CREB5: variants seen among roughly 807,000 people sequenced by gnomAD.
CREB5 encodes the protein cyclic AMP-responsive element-binding protein 5.
In CREB5, 19 loss-of-function variants were observed where a neutral mutation model predicts 57.1. That is an observed-to-expected ratio of 0.33 (90% CI 0.23 to 0.49). The LOEUF is 0.49. CREB5 is among the 20% of genes least tolerant of loss of function. The pLI is 0.99. For missense variants in CREB5, 579 were observed against 671.6 expected (o/e 0.86, Z 1.52); for synonymous variants, 238 against 238.3 (o/e 1.00, Z 0.01).
chr7:28,739,742 G>A (rs1428909505), intron 7 of CREB5, among the ~76,000 whole-genome samples: 6 of 152,184 alleles, frequency 3.9e-5, no homozygotes, highest in Admixed American at 3.9e-4. Context: ...TCCTGAAGTT[G>A]TTGTTTATGA....
chr7:28,510,785 A>T (rs1792672130), intron 4 of CREB5, among the ~76,000 whole-genome samples: 1 of 152,216 alleles, frequency 6.6e-6, no homozygotes, highest in Admixed American at 6.5e-5. Context: ...ACGTTCCATA[A>T]TAGCCTCAAT....
intron 1 of CREB5, among the ~76,000 whole-genome samples, chr7:28,459,140 G>A (rs901486053): frequency 6.6e-6 from 1 of 152,126 alleles, no homozygotes; most frequent in African/African-American, 2.4e-5. Flanking sequence ...GGCTTTATTT[G>A]AGCCTTCCAG....
intron 5 of CREB5, among the ~76,000 whole-genome samples, chr7:28,665,107 G>A (rs750756972): frequency 1.3e-5 from 2 of 152,154 alleles, no homozygotes; most frequent in Non-Finnish European, 2.9e-5. Flanking sequence ...ATTGGGTTGC[G>A]ATAAGGAGGT....
intron 5 of CREB5, among the ~76,000 whole-genome samples, chr7:28,695,086 G>T (rs184932086): frequency 1.1e-3 from 166 of 152,230 alleles, no homozygotes; most frequent in African/African-American, 3.8e-3. Context: ...AATTAGCCGG[G>T]CATGGTATCA....
chr7:28,797,866 T>G (rs1808137738), intron 7 of CREB5, among the ~76,000 whole-genome samples: 1 of 152,152 alleles, frequency 6.6e-6, no homozygotes, highest in African/African-American at 2.4e-5. Context: ...AAGTGAAGGC[T>G]TCATGCAGTG....
chr7:28,752,542 G>T (rs17157127), intron 7 of CREB5, among the ~76,000 whole-genome samples: 5 of 152,070 alleles, frequency 3.3e-5, no homozygotes, highest in Non-Finnish European at 7.4e-5. Context: ...GAAAATCTTC[G>T]CATGGAAACC....
intron 5 of CREB5, among the ~76,000 whole-genome samples, chr7:28,711,967 A>G (rs1371364678): frequency 1.3e-5 from 2 of 152,180 alleles, no homozygotes; most frequent in African/African-American, 2.4e-5. Context: ...AGTATATTCA[A>G]CTGCTCATTT....
At chr7:28,707,955 CT>C (rs1802204957) in intron 5 of CREB5, among the ~76,000 whole-genome samples, 1 of 152,160 alleles carries the variant, frequency 6.6e-6, no homozygotes, top group African/African-American at 2.4e-5. Flanking sequence ...TCCCTTCCGG[CT>C]TTTTAGTATT....
chr7:28,533,465 C>T (rs1045991804), intron 4 of CREB5, among the ~76,000 whole-genome samples: 2 of 152,200 alleles, frequency 1.3e-5, no homozygotes, highest in African/African-American at 2.4e-5. Flanking sequence ...TCCTGTCGTG[C>T]GTACCTGCAC....
intron 7 of CREB5, among the ~76,000 whole-genome samples, chr7:28,786,359 G>A (rs992504559): frequency 2.0e-5 from 3 of 152,106 alleles, no homozygotes; most frequent in Non-Finnish European, 2.9e-5. Flanking sequence ...CAATTCTCCT[G>A]CCTCAGCCTC....
At chr7:28,477,744 T>C (rs1297410871) in intron 1 of CREB5, among the ~76,000 whole-genome samples, 4 of 152,198 alleles carry the variant, frequency 2.6e-5, no homozygotes, top group Non-Finnish European at 5.9e-5. Context: ...TAGTGAGTGA[T>C]TCTTTGTTTA....
intron 5 of CREB5, among the ~76,000 whole-genome samples, chr7:28,622,500 A>G (rs1465649131): frequency 1.3e-5 from 2 of 152,216 alleles, no homozygotes; most frequent in Non-Finnish European, 2.9e-5. Context: ...CCATTCTATA[A>G]CTGCCAGGGC....
At chr7:28,300,742 ACT>A (rs1336485771) in intron 1 of CREB5, among the ~76,000 whole-genome samples, 3 of 152,114 alleles carry the variant, frequency 2.0e-5, no homozygotes, top group Non-Finnish European at 2.9e-5. Flanking sequence ...TTTTTTATAG[ACT>A]CATCTTTCTG....
At chr7:28,301,553 T>A (rs1003458243) in intron 1 of CREB5, among the ~76,000 whole-genome samples, 11 of 152,188 alleles carry the variant, frequency 7.2e-5, no homozygotes, top group African/African-American at 2.7e-4. Flanking sequence ...ATGACTCAGG[T>A]CCAACCCCGG....
At chr7:28,700,343 G>T (rs922180261) in intron 5 of CREB5, among the ~76,000 whole-genome samples, 1 of 152,096 alleles carries the variant, frequency 6.6e-6, no homozygotes, top group Non-Finnish European at 1.5e-5. Context: ...AACCCCCGGG[G>T]TATTAAATAA....
intron 5 of CREB5, among the ~76,000 whole-genome samples, chr7:28,652,133 T>G (rs1799151346): frequency 6.6e-6 from 1 of 152,026 alleles, no homozygotes; most frequent in South Asian, 2.1e-4. Context: ...ATAAAAAAAT[T>G]TTATTTTAAG....
At chr7:28,531,959 G>T (rs181436774) in intron 4 of CREB5, among the ~76,000 whole-genome samples, 1 of 152,336 alleles carries the variant, frequency 6.6e-6, no homozygotes, top group African/African-American at 2.4e-5. Flanking sequence ...AACCCAGGAG[G>T]CGGAGGTTGC....
At chr7:28,345,273 C>CT (rs58373526) in intron 1 of CREB5, among the ~76,000 whole-genome samples, 37,645 of 148,268 alleles carry the variant, frequency 0.25, 4,906 homozygotes, top group East Asian at 0.31. Flanking sequence ...CAAAACAAGT[C>CT]TTTTTTTTTT....
intron 1 of CREB5, among the ~76,000 whole-genome samples, chr7:28,467,432 G>A (rs1261477235): frequency 1.3e-5 from 2 of 152,174 alleles, no homozygotes; most frequent in Non-Finnish European, 2.9e-5. Flanking sequence ...GAAAGAAAAA[G>A]ATGTAATACT....
Sources: allele counts gnomAD v4.1 joint callset (sites outside exome capture counted in the v4.1 genomes callset), GRCh38; gene constraint gnomAD v4.1.1; transcripts MANE v1.5; gene names NCBI Gene and HGNC (gene_info 2026-07-23, HGNC 2026-07-21).